ARID1A: variants seen among roughly 807,000 people sequenced by gnomAD.
ARID1A encodes AT-rich interaction domain 1A, also known as AT-rich interactive domain-containing protein 1A.
Under a neutral mutation model 212.6 loss-of-function variants are expected in ARID1A, and 20 were observed. The observed-to-expected ratio is 0.09, with a 90% CI of 0.07 to 0.14. The LOEUF is 0.14. Among genes scored for constraint, ARID1A ranks in the 10% least tolerant of loss-of-function variants. The pLI is 1.00. For missense variants in ARID1A, 2,587 were observed against 3,059.0 expected (o/e 0.85, Z 3.64); for synonymous variants, 1,376 against 1,222.1 (o/e 1.13, Z -2.63).
At chr1:26,778,986 T>G (rs945441314) in intron 19 of ARID1A, 37 bp from the exon 20 acceptor site, 11 of 1,495,264 alleles carry the variant, frequency 7.4e-6, no homozygotes, top group Non-Finnish European at 9.8e-6. Context: ...AGGCCACTTT[T>G]CTCCCTTAAT....
Position 26,731,234 on chromosome 1 carries a change from C to T in ARID1A, c.1433C>T (p.Pro478Leu), listed in dbSNP as rs780033196. 6.2e-7 allele frequency: 1 copy of T among 1,614,096 alleles called. No homozygotes were observed. Among genetic ancestry groups the T allele is most frequent in the Non-Finnish European group, 8.5e-7 (1 of 1,180,028 alleles). Reference sequence around the variant, plus strand: ...TATTACAACCAGCAAAGTCCTCACCCTCAGCAGCAGCAGCCACCCTACTCC... The same window carrying T: ...TATTACAACCAGCAAAGTCCTCACCTTCAGCAGCAGCAGCCACCCTACTCC... ...TPYYNQQSPH[P>L]QQQQPPYSQQ... The change falls in exon 3 of 20, where the codon CCT (proline) becomes CTT (leucine). Residue 478 changes from proline to leucine, a missense_variant. Pro to Leu is a moderately conservative substitution (Grantham distance 98, BLOSUM62 -3). This residue lies in a region of ARID1A where 674 missense variants were observed against 813.4 expected (regional missense o/e 0.83). Transcript: ENST00000324856.
At chr1:26,776,050 C>G in intron 19 of ARID1A, 1 of 380,980 alleles carries the variant, frequency 2.6e-6, no homozygotes, top group South Asian at 2.0e-5. Flanking sequence ...CGAGGTCTCA[C>G]TATGTTGCCG....
At chr1:26,758,821 C>T (rs139501509) in intron 4 of ARID1A, among the ~76,000 whole-genome samples, 2 of 152,262 alleles carry the variant, frequency 1.3e-5, no homozygotes, top group East Asian at 3.9e-4. Context: ...CTATGGCATA[C>T]CTGGCCTACT....
At chr1:26,753,590 C>G (rs907706121) in intron 4 of ARID1A, among the ~76,000 whole-genome samples, 3 of 152,218 alleles carry the variant, frequency 2.0e-5, no homozygotes, top group Admixed American at 2.0e-4. Context: ...ATTGGAAACA[C>G]GTGAGGAAAT....
At chr1:26,701,177 A>G (rs527488969) in intron 1 of ARID1A, among the ~76,000 whole-genome samples, 132 of 152,350 alleles carry the variant, frequency 8.7e-4, no homozygotes, top group African/African-American at 2.9e-3. Flanking sequence ...AGTAATAGGC[A>G]GGGCTCTTTC....
chr1:26,766,137 C>A lies in ARID1A; in HGVS notation c.2733-84C>A, dbSNP rs1005554216. 12 of 1,461,562 alleles carry A rather than the reference C, an allele frequency of 8.2e-6. No individual in the cohort carries two copies. In the South Asian group the frequency reaches 1.6e-4, roughly 20 times the overall value. 90.5% of individuals were successfully genotyped at this position (1,461,562 alleles called of 1,614,324 possible). A position where few individuals can be genotyped will look rare whatever the true frequency, so the allele number is the denominator to read the frequency against. ...TTCCTTTTAATCCTTACTAGATGAT[C>A]ACACAGCACTATTTGGCTCCAGTTC... is the stretch of plus-strand genomic sequence containing the variant. On this transcript the variant is annotated intron_variant, in intron 8 of 19. Coordinates refer to ENST00000324856, the MANE Select transcript of ARID1A (RefSeq NM_006015.6).
intron 4 of ARID1A, among the ~76,000 whole-genome samples, chr1:26,759,889 A>C (rs987725814): frequency 3.9e-5 from 6 of 152,230 alleles, no homozygotes; most frequent in African/African-American, 1.4e-4. Flanking sequence ...TTGGCAGTTA[A>C]GAAATTGTCT....
intron 1 of ARID1A, among the ~76,000 whole-genome samples, chr1:26,705,443 T>A (rs2080380071): frequency 6.7e-6 from 1 of 149,122 alleles, no homozygotes; most frequent in African/African-American, 2.5e-5. Flanking sequence ...CCCAGCCTTT[T>A]TTTTTTTTCC....
At chr1:26,757,219 A>C (rs1464370442) in intron 4 of ARID1A, among the ~76,000 whole-genome samples, 1 of 149,754 alleles carries the variant, frequency 6.7e-6, no homozygotes, top group Non-Finnish European at 1.5e-5. Context: ...TGTCTCTTAA[A>C]AAAAAAAAAA....
At chr1:26,732,813 T>C (rs2124792890) in intron 4 of ARID1A, 21 bp downstream of exon 4, 1 of 1,584,710 alleles carries the variant, frequency 6.3e-7, no homozygotes. Flanking sequence ...CTGCACCTTC[T>C]GAAAGGTGAT....
rs760803286 is a variant in ARID1A at position 26,780,450 on chromosome 1, C to A, written c.6552C>A (p.Ala2184=). The change falls in exon 20 of 20, where the codon GCC becomes GCA. Residue 2184 remains alanine (A), a synonymous_variant. Coordinates refer to ENST00000324856, the MANE Select transcript of ARID1A (RefSeq NM_006015.6). This position sits in a 1 kb window ranked among gnomAD's most constrained non-coding sequence, Gnocchi z 7.2. ...LAQGDSLAAR[A]IAVQKGSIGN... ...AGGGGGACAGCCTGGCAGCTCGTGCCATTGCAGTGCAGAAGGGCAGTATCG... is the reference window on the plus strand; with the variant it reads ...AGGGGGACAGCCTGGCAGCTCGTGCAATTGCAGTGCAGAAGGGCAGTATCG... 5 of 1,614,138 alleles carry A rather than the reference C, an allele frequency of 3.1e-6. No individual in the cohort carries two copies. In the African/African-American group the frequency reaches 6.7e-5, roughly 22 times the overall value.
At position 26,696,154 on chromosome 1, in the gene ARID1A, C is replaced by A; in HGVS notation, c.-250C>A. On this transcript the variant is annotated 5_prime_UTR_variant, in exon 1 of 20. Coordinates refer to ENST00000324856, the MANE Select transcript of ARID1A (RefSeq NM_006015.6). ...GAGCCGGGTCCCGAGCCTACAGAGC[C>A]GGGAGCAGCTGAGCCGCCGGCGCCT... 2 of 505,952 alleles carry A rather than the reference C, an allele frequency of 4.0e-6. No homozygotes were observed. The allele number at this position is 505,952 out of a possible 1,614,324, so 31.3% of individuals were successfully genotyped here. A position where few individuals can be genotyped will look rare whatever the true frequency, so the allele number is the denominator to read the frequency against.
Position 26,773,393 on chromosome 1 carries a change from G to A in ARID1A, c.3763G>A (p.Gly1255Arg), listed in dbSNP as rs530093213. ...GTCCTCAGGGCAGGGCCCCAACGGC[G>A]GGATGGGTGACCCCTACAGTCGTGC... ...FMSSGQGPNG[G>R]MGDPYSRAAG... The change falls in exon 15 of 20, where the codon GGG becomes AGG. Residue 1255 changes from glycine (G) to arginine (R), a missense_variant. By Grantham distance (125) the Gly-to-Arg change is moderately radical. Around this residue, in one of 11 missense-constraint regions of ARID1A, gnomAD observed 890 missense variants for 1,098.2 expected, o/e 0.81. Coordinates refer to ENST00000324856, the MANE Select transcript of ARID1A (RefSeq NM_006015.6). 1.5e-5 allele frequency: 24 copies of A among 1,612,518 alleles called. No homozygotes were observed. Among genetic ancestry groups the A allele is most frequent in the South Asian group, 2.2e-5 (2 of 90,830 alleles).
At position 26,697,098 on chromosome 1, in the gene ARID1A, G is replaced by A. The variant is rs892239723; in HGVS notation, c.695G>A (p.Ser232Asn). Reference sequence around the variant, plus strand: ...CCGCCCGCCCCGGCCTACGCGCTGAGCTCCCCGAGAGGTGGCACTCCGGGC... The same window carrying A: ...CCGCCCGCCCCGGCCTACGCGCTGAACTCCCCGAGAGGTGGCACTCCGGGC... ...YPPPAPAYAL[S>N]SPRGGTPGSG... is the part of the protein sequence containing the mutation. Residue 232 changes from serine (S) to asparagine (N), a missense_variant, in exon 1 of 20, where the codon AGC becomes AAC. This residue lies in a region of ARID1A where 735 missense variants were observed against 590.6 expected (regional missense o/e 1.24). Coordinates refer to ENST00000324856, the MANE Select transcript of ARID1A (RefSeq NM_006015.6). 9.5e-6 allele frequency: 14 copies of A among 1,473,854 alleles called. No individual in the cohort carries two copies. Among genetic ancestry groups the A allele is most frequent in the Non-Finnish European group, 1.3e-5 (14 of 1,116,412 alleles). 91.3% of individuals were successfully genotyped at this position (1,473,854 alleles called of 1,614,324 possible).
In ARID1A at chr1:26,781,950, A is replaced by G; in HGVS notation, c.*1194A>G. 4.3e-6 allele frequency: 1 copy of G among 233,618 alleles called. No homozygotes were observed. Among genetic ancestry groups the G allele is most frequent in the Non-Finnish European group, 8.5e-6 (1 of 118,010 alleles). The allele number at this position is 233,618 out of a possible 1,614,324, so 14.5% of individuals were successfully genotyped here. ...CAATTGAGATTTTTTCAGTGATAAA[A>G]TCTGCATATTTGTATTTCAACAATG... On this transcript the variant is annotated 3_prime_UTR_variant, in exon 20 of 20. Coordinates refer to ENST00000324856, the MANE Select transcript of ARID1A (RefSeq NM_006015.6).
intron 1 of ARID1A, among the ~76,000 whole-genome samples, chr1:26,728,520 G>A (rs1422391153): frequency 6.6e-6 from 1 of 152,152 alleles, no homozygotes; most frequent in Non-Finnish European, 1.5e-5. Flanking sequence ...ACCTAGACCA[G>A]TCCTGGGAGG....
At chr1:26,713,190 C>T (rs1018287038) in intron 1 of ARID1A, among the ~76,000 whole-genome samples, 4 of 152,144 alleles carry the variant, frequency 2.6e-5, no homozygotes, top group Non-Finnish European at 5.9e-5. Context: ...TTTATTTTCT[C>T]TGTTCTTGGC....
chr1:26,749,325 C>G (rs2080865023), intron 4 of ARID1A, among the ~76,000 whole-genome samples: 1 of 152,098 alleles, frequency 6.6e-6, no homozygotes, highest in South Asian at 2.1e-4. Flanking sequence ...GGAGCACCTT[C>G]TCATCTATCC....
chr1:26,731,112 A>G, intron 2 of ARID1A, 40 bp from the exon 3 acceptor site: 1 of 1,570,702 alleles, frequency 6.4e-7, no homozygotes, highest in Non-Finnish European at 8.8e-7. Flanking sequence ...TTCCTCATGC[A>G]GGAGAGTCAG....
Sources: gnomAD v4.1 joint callset for allele counts (sites outside exome capture counted in the v4.1 genomes callset) on GRCh38, gnomAD v4.1.1 for gene constraint, gnomAD v4.1.1 regional missense constraint, Gnocchi (gnomAD v3.1) non-coding constraint, MANE v1.5 for transcripts, NCBI Gene and HGNC (gene_info 2026-07-23, HGNC 2026-07-21) for gene names.